CPNE4: variants seen among roughly 807,000 people sequenced by gnomAD.
CPNE4 encodes copine-4.
CPNE4 carries 25 observed loss-of-function variants against 67.9 expected under a neutral mutation model. The observed-to-expected ratio is 0.37, with a 90% confidence interval of 0.27 to 0.51. The LOEUF is 0.51. Ranked by LOEUF, CPNE4 falls within the 20% of genes least tolerant of loss-of-function variation. The pLI is 0.93. For missense variants in CPNE4, 464 were observed against 690.8 expected, an observed-to-expected ratio of 0.67 and a Z score of 3.68; for synonymous variants, 242 against 244.9, an observed-to-expected ratio of 0.99 and a Z score of 0.11.
At chr3:132,037,337 C>T (rs967919786), upstream of CPNE4, among the ~76,000 whole-genome samples, 1 of 152,158 alleles carries the variant, frequency 6.6e-6, no homozygotes, top group Non-Finnish European at 1.5e-5. Flanking sequence ...TTTCTGAAGG[C>T]ATGACACTGA....
At chr3:131,887,960 G>T (rs2087961182) in intron 2 of CPNE4, among the ~76,000 whole-genome samples, 1 of 152,148 alleles carries the variant, frequency 6.6e-6, no homozygotes, top group South Asian at 2.1e-4. Flanking sequence ...ACTTGTAGGT[G>T]CTCCAACTGG....
At chr3:131,545,899 T>G (rs898173236) in intron 14 of CPNE4, among the ~76,000 whole-genome samples, 16 of 152,034 alleles carry the variant, frequency 1.1e-4, no homozygotes. Flanking sequence ...CTGTCTCTAC[T>G]AAAAATACAA....
intron 2 of CPNE4, among the ~76,000 whole-genome samples, chr3:131,879,129 C>T (rs182281592): frequency 6.7e-5 from 10 of 149,548 alleles, no homozygotes; most frequent in African/African-American, 2.0e-4. Flanking sequence ...TGTGTGTGTG[C>T]GTGCTAGAAA....
intron 1 of CPNE4, among the ~76,000 whole-genome samples, chr3:131,910,286 T>C (rs1023614663): frequency 5.3e-5 from 8 of 152,274 alleles, no homozygotes; most frequent in East Asian, 1.9e-4. Context: ...CCCTGATCTT[T>C]AGCAGTAGCC....
chr3:131,677,216 T>A (rs911646772), intron 6 of CPNE4, among the ~76,000 whole-genome samples: 48 of 151,996 alleles, frequency 3.2e-4, no homozygotes, highest in Non-Finnish European at 5.3e-4. Context: ...TTGCCCACTT[T>A]TTTATTTATT....
intron 1 of CPNE4, among the ~76,000 whole-genome samples, chr3:131,975,878 T>C (rs1295017912): frequency 6.6e-6 from 1 of 152,138 alleles, no homozygotes; most frequent in East Asian, 1.9e-4. Flanking sequence ...GACCATCACA[T>C]CATGGCTTGT....
intron 3 of CPNE4, 56 bp from the exon 4 acceptor site, chr3:131,700,036 T>C (rs945903974): frequency 1.0e-4 from 106 of 1,018,884 alleles, no homozygotes; most frequent in East Asian, 4.3e-4. Context: ...CATTTAACTG[T>C]AGATCTATTT....
At chr3:131,771,151 T>C (rs2083155989) in intron 2 of CPNE4, among the ~76,000 whole-genome samples, 1 of 152,172 alleles carries the variant, frequency 6.6e-6, no homozygotes, top group Admixed American at 6.5e-5. Context: ...CCTCAGTATC[T>C]GGTGAAGAGA....
chr3:131,638,359 C>T (rs2107790263), intron 7 of CPNE4, among the ~76,000 whole-genome samples: 1 of 152,190 alleles, frequency 6.6e-6, no homozygotes, highest in Non-Finnish European at 1.5e-5. Flanking sequence ...ATATTCCTTG[C>T]AAATGGACAC....
At chr3:131,709,117 GT>G (rs941619818) in intron 3 of CPNE4, among the ~76,000 whole-genome samples, 1 of 151,264 alleles carries the variant, frequency 6.6e-6, no homozygotes, top group Admixed American at 6.6e-5. Context: ...ATGTTTAGTA[GT>G]TATCTCTTAA....
At chr3:132,011,869 A>T (rs1248699661) in intron 1 of CPNE4, among the ~76,000 whole-genome samples, 1 of 152,174 alleles carries the variant, frequency 6.6e-6, no homozygotes, top group Non-Finnish European at 1.5e-5. Context: ...TATTACTCTT[A>T]TCTTATCCTT....
chr3:131,604,252 T>G (rs944004556), intron 7 of CPNE4, among the ~76,000 whole-genome samples: 3 of 152,148 alleles, frequency 2.0e-5, no homozygotes, highest in African/African-American at 7.2e-5. Context: ...CACTGGAACA[T>G]CAAACTAAAC....
chr3:131,751,474 T>C (rs181066445), intron 2 of CPNE4, among the ~76,000 whole-genome samples: 105 of 152,224 alleles, frequency 6.9e-4, no homozygotes, highest in South Asian at 1.2e-3. Context: ...GTATACTTTA[T>C]TTCTAAAATT....
At chr3:131,597,315 G>A (rs1301454133) in intron 7 of CPNE4, among the ~76,000 whole-genome samples, 2 of 152,034 alleles carry the variant, frequency 1.3e-5, no homozygotes, top group Non-Finnish European at 2.9e-5. Context: ...TTGTGGGGTG[G>A]GGGGATGCTA....
chr3:131,605,438 T>A (rs1939446943), intron 7 of CPNE4, among the ~76,000 whole-genome samples: 1 of 152,136 alleles, frequency 6.6e-6, no homozygotes, highest in African/African-American at 2.4e-5. Context: ...CATCTTATAA[T>A]CTATGTATTT....
At chr3:131,778,991 T>A (rs2107849056) in intron 2 of CPNE4, among the ~76,000 whole-genome samples, 1 of 152,230 alleles carries the variant, frequency 6.6e-6, no homozygotes, top group South Asian at 2.1e-4. Flanking sequence ...AACAAAGTTT[T>A]ATGATACAGA....
At chr3:131,683,403 T>C (rs2080805898) in intron 6 of CPNE4, among the ~76,000 whole-genome samples, 1 of 152,172 alleles carries the variant, frequency 6.6e-6, no homozygotes, top group Non-Finnish European at 1.5e-5. Flanking sequence ...GCCCAGGGTT[T>C]GTCTAGAAAT....
chr3:131,915,490 G>A (rs2089149845), intron 1 of CPNE4, among the ~76,000 whole-genome samples: 1 of 152,066 alleles, frequency 6.6e-6, no homozygotes. Context: ...GTTATAGATG[G>A]TGGAGCTACA....
intron 3 of CPNE4, among the ~76,000 whole-genome samples, chr3:131,705,027 C>T (rs1322643241): frequency 6.6e-6 from 1 of 151,972 alleles, no homozygotes; most frequent in Non-Finnish European, 1.5e-5. Flanking sequence ...CACACACATT[C>T]TCTCTCCCTC....
Sources: gnomAD v4.1 joint callset for allele counts (sites outside exome capture counted in the v4.1 genomes callset) on GRCh38, gnomAD v4.1.1 for gene constraint, MANE v1.5 for transcripts, NCBI Gene and HGNC (gene_info 2026-07-23, HGNC 2026-07-21) for gene names.